PRKG2: variants seen among roughly 807,000 people sequenced by gnomAD.
PRKG2 encodes protein kinase cGMP-dependent 2.
In PRKG2, 33 loss-of-function variants were observed where a neutral mutation model predicts 97.2. The ratio of observed to expected loss-of-function variants is 0.34; its 90% CI spans 0.26 to 0.45. The LOEUF (loss-of-function observed/expected upper bound fraction) is 0.45, where lower values mean the gene tolerates loss of function less well. Ranked by LOEUF, PRKG2 falls within the 20% of genes least tolerant of loss-of-function variation. The pLI is 1.00. For synonymous variants in PRKG2, 330 were observed against 321.8 expected, an observed-to-expected ratio of 1.03 and a Z score of -0.27; for missense variants, 638 against 900.0, an observed-to-expected ratio of 0.71 and a Z score of 3.73.
At chr4:81,121,047 T>C (rs1323040097) in intron 14 of PRKG2, among the ~76,000 whole-genome samples, 2 of 152,212 alleles carry the variant, frequency 1.3e-5, no homozygotes, top group East Asian at 1.9e-4. Context: ...TTTATTGATA[T>C]GATAATATAA....
chr4:81,167,105 T>C, intron 6 of PRKG2, 56 bp downstream of exon 6: 8 of 1,173,148 alleles, frequency 6.8e-6, no homozygotes, highest in Non-Finnish European at 9.8e-6. Context: ...GTTAATAATA[T>C]AAGTACATTC....
In PRKG2 at chr4:81,089,810, T is replaced by C. The variant is rs1020921653; in HGVS notation, c.2194-7A>G. On this transcript the variant is annotated splice_region_variant and splice_polypyrimidine_tract_variant and intron_variant, in intron 18 of 18. Coordinates refer to ENST00000264399, the MANE Select transcript of PRKG2 (RefSeq NM_006259.3). ...GATCTATGGGTCCCTTGAGCTAATA[T>C]AGAAATAATTAAAACAAAAGGAAGA... The C allele has an allele frequency of 3.8e-6, 6 of 1,577,298 alleles. No individual in the cohort carries two copies. Among genetic ancestry groups the C allele is most frequent in the Middle Eastern group, 1.7e-4 (1 of 5,974 alleles).
intron 2 of PRKG2, among the ~76,000 whole-genome samples, chr4:81,195,338 A>G (rs1208930266): frequency 6.6e-6 from 1 of 152,202 alleles, no homozygotes; most frequent in Non-Finnish European, 1.5e-5. Context: ...CCTGGCACCT[A>G]GAAACATGCT....
intron 6 of PRKG2, among the ~76,000 whole-genome samples, chr4:81,156,858 A>C (rs1174095286): frequency 1.3e-5 from 2 of 152,220 alleles, no homozygotes; most frequent in African/African-American, 2.4e-5. Context: ...GAAGGCAGAA[A>C]TAAAGATGTT....
intron 14 of PRKG2, among the ~76,000 whole-genome samples, chr4:81,125,154 AT>A (rs1339349839): frequency 2.0e-5 from 3 of 152,044 alleles, no homozygotes; most frequent in Admixed American, 6.6e-5. Flanking sequence ...TTATGCTACA[AT>A]TTTTTAAATT....
At chr4:81,091,434 C>G (rs1362176340) in intron 18 of PRKG2, among the ~76,000 whole-genome samples, 1 of 152,088 alleles carries the variant, frequency 6.6e-6, no homozygotes, top group Non-Finnish European at 1.5e-5. Context: ...AGGTGCCCGC[C>G]ACCATGCCCG....
At chr4:81,147,650 G>A (rs1747988608) in intron 9 of PRKG2, among the ~76,000 whole-genome samples, 1 of 152,080 alleles carries the variant, frequency 6.6e-6, no homozygotes, top group South Asian at 2.1e-4. Flanking sequence ...GGCATGGTGG[G>A]AAGCATGGGG....
At chr4:81,139,348 A>T (rs539404636) in intron 12 of PRKG2, among the ~76,000 whole-genome samples, 1 of 152,300 alleles carries the variant, frequency 6.6e-6, no homozygotes, top group Admixed American at 6.5e-5. Context: ...CCAATTCTGC[A>T]TTAAGTCTGA....
chr4:81,179,307 C>CT (rs1228527875), intron 2 of PRKG2, among the ~76,000 whole-genome samples: 1 of 151,782 alleles, frequency 6.6e-6, no homozygotes. Flanking sequence ...TAAAAAGCAG[C>CT]TAGAAAAAAA....
At position 81,152,690 on chromosome 4, in the gene PRKG2, A is replaced by G. The variant is rs191778626; in HGVS notation, c.991-636T>C. 1.8e-4 allele frequency among the ~76,000 whole-genome samples: 28 copies of G among 152,350 alleles called. No homozygotes were observed. The East Asian group carries it at 4.4e-3, about 24-fold the overall frequency. On this transcript the variant is annotated intron_variant, in intron 7 of 18. Transcript: ENST00000264399. ...ACAAGTGCTGATTCAGGCTGAATAG[A>G]AATTCTGTTTGGCATTTATGTATGT... is the stretch of plus-strand genomic sequence containing the variant.
chr4:81,173,394 A>C (rs1039442226), intron 3 of PRKG2, among the ~76,000 whole-genome samples: 1 of 152,124 alleles, frequency 6.6e-6, no homozygotes, highest in African/African-American at 2.4e-5. Context: ...GGAAGGAACG[A>C]GATAGGCTTA....
At chr4:81,135,518 T>C (rs1033729545) in intron 13 of PRKG2, among the ~76,000 whole-genome samples, 2 of 152,148 alleles carry the variant, frequency 1.3e-5, no homozygotes, top group Non-Finnish European at 2.9e-5. Flanking sequence ...TTCACTAAAA[T>C]TAAAATATCA....
In PRKG2 at chr4:81,165,613, C is replaced by A. The variant is rs1009424150; in HGVS notation, c.912+1548G>T. On this transcript the variant is annotated intron_variant, in intron 6 of 18. Coordinates refer to ENST00000264399, the MANE Select transcript of PRKG2 (RefSeq NM_006259.3). ...TGAGAATTTTCACACATCACAGAGA[C>A]ACATTTGTTTGCCAGGTATGAATAA... Among the ~76,000 whole-genome samples the A allele has an allele frequency of 2.0e-5, 3 of 152,130 alleles. No homozygotes were observed. In the East Asian group the frequency reaches 5.8e-4, roughly 29 times the overall value.
At chr4:81,214,153 T>TAA (rs11355853) in intron 1 of PRKG2, among the ~76,000 whole-genome samples, 169 of 120,302 alleles carry the variant, frequency 1.4e-3, no homozygotes, top group African/African-American at 4.1e-3. Flanking sequence ...CTCTCTTCCT[T>TAA]AAAAAAAAAA....
chr4:81,141,957 A>G (rs1164671017), intron 11 of PRKG2, among the ~76,000 whole-genome samples: 1 of 152,150 alleles, frequency 6.6e-6, no homozygotes, highest in Non-Finnish European at 1.5e-5. Context: ...CTCATGCCCA[A>G]AGCCAGCCAG....
At chr4:81,182,403 A>G (rs1405747283) in intron 2 of PRKG2, among the ~76,000 whole-genome samples, 1 of 152,024 alleles carries the variant, frequency 6.6e-6, no homozygotes, top group Non-Finnish European at 1.5e-5. Flanking sequence ...AAATCTCCTT[A>G]ATCTGATAAA....
intron 14 of PRKG2, among the ~76,000 whole-genome samples, chr4:81,119,388 C>T (rs1744856956): frequency 6.6e-6 from 1 of 152,170 alleles, no homozygotes; most frequent in African/African-American, 2.4e-5. Context: ...CCATGTATTG[C>T]TTTGCTTATT....
At chr4:81,098,063 G>C (rs947413040) in intron 17 of PRKG2, among the ~76,000 whole-genome samples, 1 of 152,126 alleles carries the variant, frequency 6.6e-6, no homozygotes, top group Non-Finnish European at 1.5e-5. Flanking sequence ...ATTAACATTT[G>C]TGTTAGTGGG....
At chr4:81,208,775 T>G (rs183635825) in intron 1 of PRKG2, among the ~76,000 whole-genome samples, 1 of 152,188 alleles carries the variant, frequency 6.6e-6, no homozygotes, top group Non-Finnish European at 1.5e-5. Flanking sequence ...GATTCTATCT[T>G]CCATTGAGAA....
Sources: allele counts gnomAD v4.1 joint callset (sites outside exome capture counted in the v4.1 genomes callset), GRCh38; gene constraint gnomAD v4.1.1; transcripts MANE v1.5; gene names NCBI Gene and HGNC (gene_info 2026-07-23, HGNC 2026-07-21).